PUDP: variants seen among roughly 807,000 people sequenced by gnomAD.
PUDP encodes the protein pseudouridine-5'-phosphatase.
A neutral mutation model predicts 9.4 loss-of-function variants in PUDP; 8 were observed. The observed-to-expected ratio is 0.85, with a 90% CI of 0.50 to 1.53. The LOEUF (loss-of-function observed/expected upper bound fraction) is 1.53. Among genes scored for constraint, PUDP ranks in the 40% most tolerant of loss-of-function variants. The pLI, the probability that PUDP is intolerant of heterozygous loss-of-function variation, is 0.00. For synonymous variants in PUDP, 99 were observed against 80.7 expected, an observed-to-expected ratio of 1.23 and a Z score of -1.22; for missense variants, 188 against 189.7, an observed-to-expected ratio of 0.99 and a Z score of 0.05.
intron 1 of PUDP, among the ~76,000 whole-genome samples, chrX:7,015,147 A>G (rs1368951655): frequency 8.9e-6 from 1 of 112,067 alleles, no homozygotes; most frequent in African/African-American, 3.3e-5. Context: ...CTGATAACCA[A>G]CTAACAAAAG....
chrX:7,018,301 C>T (rs1216714569), intron 1 of PUDP, among the ~76,000 whole-genome samples: 2 of 111,678 alleles, frequency 1.8e-5, no homozygotes, highest in Non-Finnish European at 3.8e-5. Flanking sequence ...GGACCCCTTT[C>T]CAGTAAAAGA....
intron 1 of PUDP, among the ~76,000 whole-genome samples, chrX:6,710,717 T>C (rs1487328852): frequency 8.9e-6 from 1 of 112,345 alleles, no homozygotes; most frequent in East Asian, 2.8e-4. Context: ...TAAAATCACC[T>C]TCTGCTCACT....
intron 3 of PUDP, among the ~76,000 whole-genome samples, chrX:7,066,255 G>A (rs926500613): frequency 2.7e-5 from 3 of 111,716 alleles, no homozygotes; most frequent in African/African-American, 9.8e-5. Context: ...TACTAATAGT[G>A]GCTACTAGTT....
At chrX:7,059,487 C>T (rs1379275260) in intron 3 of PUDP, among the ~76,000 whole-genome samples, 1 of 111,812 alleles carries the variant, frequency 8.9e-6, no homozygotes, top group Non-Finnish European at 1.9e-5. Context: ...ATCAATTCAT[C>T]TTACGTAGCC....
intron 3 of PUDP, among the ~76,000 whole-genome samples, chrX:6,922,014 A>G (rs1011081518): frequency 7.2e-5 from 8 of 111,516 alleles, no homozygotes; most frequent in Admixed American, 5.8e-4. Flanking sequence ...AAAGACAAAC[A>G]TCACATATTC....
intron 3 of PUDP, among the ~76,000 whole-genome samples, chrX:6,808,541 G>A (rs1330524289): frequency 2.7e-5 from 3 of 111,684 alleles, no homozygotes; most frequent in Non-Finnish European, 5.6e-5. Context: ...GAAGGATAAA[G>A]CCACCCTTTG....
At chrX:6,947,276 G>C (rs992279686) in intron 3 of PUDP, among the ~76,000 whole-genome samples, 5 of 111,072 alleles carry the variant, frequency 4.5e-5, no homozygotes, top group Admixed American at 9.6e-5. Context: ...GCCCCCCAAA[G>C]TGCTGGGATT....
intron 1 of PUDP, among the ~76,000 whole-genome samples, chrX:7,008,242 GCATGAA>G (rs1929429917): frequency 9.0e-6 from 1 of 111,359 alleles, no homozygotes; most frequent in Non-Finnish European, 1.9e-5. Flanking sequence ...GAGATTACAG[GCATGAA>G]CCACTGCACC....
intron 3 of PUDP, among the ~76,000 whole-genome samples, chrX:6,950,551 C>T (rs1928539429): frequency 9.7e-6 from 1 of 102,634 alleles, no homozygotes; most frequent in African/African-American, 3.6e-5. Flanking sequence ...GCTGGGACTA[C>T]AGGCACCCAC....
intron 1 of PUDP, among the ~76,000 whole-genome samples, chrX:7,130,370 T>TACACACAC (rs35470120): frequency 1.3e-3 from 140 of 104,268 alleles, no homozygotes; most frequent in African/African-American, 4.5e-3. Context: ...ATGCACATAC[T>TACACACAC]ACACACACAC....
intron 3 of PUDP, among the ~76,000 whole-genome samples, chrX:6,824,158 G>A (rs1229948020): frequency 8.9e-6 from 1 of 111,783 alleles, no homozygotes; most frequent in Non-Finnish European, 1.9e-5. Context: ...CTATGCTGCT[G>A]TTCTTGTGAT....
At chrX:6,910,905 A>G (rs764285284) in intron 3 of PUDP, among the ~76,000 whole-genome samples, 61 of 111,752 alleles carry the variant, frequency 5.5e-4, no homozygotes, top group Middle Eastern at 4.7e-3. Flanking sequence ...TTCTTGGTGT[A>G]TCCTCACATG....
At chrX:7,029,244 G>A (rs866271442) in intron 1 of PUDP, among the ~76,000 whole-genome samples, 2 of 111,689 alleles carry the variant, frequency 1.8e-5, no homozygotes, top group African/African-American at 3.3e-5. Flanking sequence ...ATTGGACTCC[G>A]TTGCCTTAAT....
rs754091331 is a variant in PUDP at position 6,846,171 on chromosome X, C to T, written c.*247+130962G>A. On this transcript the variant is annotated intron_variant and NMD_transcript_variant, in intron 3 of 3. Coordinates refer to the PUDP transcript ENST00000655425. The stretch of plus-strand genomic sequence containing the variant: ...GTCAGTTTTCTCTGGGAGGCCGAGG[C>T]GGGCGGGCGGATCACGAGGTCAGGA... 4.5e-5 allele frequency among the ~76,000 whole-genome samples: 5 copies of T among 110,408 alleles called. No homozygotes were observed. In the East Asian group the frequency reaches 1.1e-3, roughly 25 times the overall value.
At chrX:7,061,317 A>G (rs1930394698) in intron 3 of PUDP, among the ~76,000 whole-genome samples, 2 of 111,777 alleles carry the variant, frequency 1.8e-5, no homozygotes, top group African/African-American at 6.5e-5. Context: ...CAGATACACT[A>G]TATTTTTCTG....
chrX:6,824,344 C>G (rs754587683), intron 3 of PUDP, among the ~76,000 whole-genome samples: 1 of 111,915 alleles, frequency 8.9e-6, no homozygotes, highest in East Asian at 2.8e-4. Flanking sequence ...AATGAAACCT[C>G]TTTCCTTTAT....
intron 3 of PUDP, among the ~76,000 whole-genome samples, chrX:6,968,349 G>A (rs1204573319): frequency 8.9e-6 from 1 of 112,006 alleles, no homozygotes; most frequent in African/African-American, 3.2e-5. Flanking sequence ...GAAGGTTTGT[G>A]TTTAACAAGG....
At chrX:6,735,392 C>T (rs1381746457) in intron 3 of PUDP, among the ~76,000 whole-genome samples, 3 of 110,403 alleles carry the variant, frequency 2.7e-5, no homozygotes, top group Non-Finnish European at 5.7e-5. Context: ...AACGTTTTGC[C>T]TCAACATAAA....
chrX:6,831,763 G>A, intron 3 of PUDP, among the ~76,000 whole-genome samples: 1 of 111,682 alleles, frequency 9.0e-6, no homozygotes, highest in Non-Finnish European at 1.9e-5. Flanking sequence ...TTGCAATATG[G>A]GTTCAATAAC....
Sources: gnomAD v4.1 joint callset for allele counts (sites outside exome capture counted in the v4.1 genomes callset) on GRCh38, gnomAD v4.1.1 for gene constraint, MANE v1.5 for transcripts, NCBI Gene and HGNC (gene_info 2026-07-23, HGNC 2026-07-21) for gene names.